Variants in MCU observed in about 807,000 individuals in gnomAD.
MCU encodes the protein calcium uniporter protein, mitochondrial.
A neutral mutation model predicts 45.2 loss-of-function variants in MCU; 12 were observed. That is an observed-to-expected ratio of 0.27 (90% confidence interval 0.17 to 0.43). The LOEUF (loss-of-function observed/expected upper bound fraction) is 0.43. MCU is among the 20% of genes least tolerant of loss of function. The pLI is 1.00. For missense variants in MCU, 324 were observed against 436.7 expected, an observed-to-expected ratio of 0.74 and a Z score of 2.30; for synonymous variants, 160 against 165.1, an observed-to-expected ratio of 0.97 and a Z score of 0.24.
intron 1 of MCU, among the ~76,000 whole-genome samples, chr10:72,711,672 T>C (rs1842896024): frequency 6.6e-6 from 1 of 151,070 alleles, no homozygotes; most frequent in Admixed American, 6.6e-5. Flanking sequence ...ATTGGGCCAT[T>C]GCACTCCAGC....
intron 1 of MCU, among the ~76,000 whole-genome samples, chr10:72,833,387 AC>A (rs2132832798): frequency 6.6e-6 from 1 of 152,378 alleles, no homozygotes; most frequent in Non-Finnish European, 1.5e-5. Flanking sequence ...TGTCAGTCTT[AC>A]ATTTCTGCAT....
chr10:72,788,121 A>C (rs7910349), intron 1 of MCU, among the ~76,000 whole-genome samples: 8,351 of 152,328 alleles, frequency 0.055, 782 homozygotes, highest in African/African-American at 0.19. Context: ...TGAAGAAACA[A>C]GAACAGGTTC....
chr10:72,762,825 T>C (rs1843673949), intron 1 of MCU, among the ~76,000 whole-genome samples: 1 of 152,142 alleles, frequency 6.6e-6, no homozygotes, highest in Non-Finnish European at 1.5e-5. Flanking sequence ...GGTGTTTTTT[T>C]TTTCCTGCAG....
chr10:72,802,275 G>A (rs1844354994), intron 1 of MCU, among the ~76,000 whole-genome samples: 2 of 151,954 alleles, frequency 1.3e-5, no homozygotes, highest in Admixed American at 6.6e-5. Flanking sequence ...TAGCATTTTC[G>A]GTGAGTCTTT....
In MCU at chr10:72,812,288, G is replaced by A. The variant is rs1844556256; in HGVS notation, c.151-22071G>A. On this transcript the variant is annotated intron_variant, in intron 1 of 7. Coordinates refer to ENST00000373053, the MANE Select transcript of MCU (RefSeq NM_138357.3). The stretch of plus-strand genomic sequence containing the variant: ...AGCCTCCCGAGTAGCTGGGATTGCA[G>A]ACATCTGCCACCATGCCCAACTAAT... Among the ~76,000 whole-genome samples, 3 of 152,100 alleles carry A rather than the reference G, an allele frequency of 2.0e-5. No individual in the cohort carries two copies. The South Asian group carries it at 6.2e-4, about 32-fold the overall frequency.
chr10:72,802,755 C>T (rs1589468453), intron 1 of MCU, among the ~76,000 whole-genome samples: 1 of 152,278 alleles, frequency 6.6e-6, no homozygotes. Context: ...TTTATTTGAA[C>T]ACTAAAACAA....
chr10:72,831,350 A>G (rs1564569220), intron 1 of MCU, among the ~76,000 whole-genome samples: 1 of 152,188 alleles, frequency 6.6e-6, no homozygotes, highest in Non-Finnish European at 1.5e-5. Flanking sequence ...GAAATAATCT[A>G]ATAAACGAAA....
At chr10:72,775,425 C>T (rs943505770) in intron 1 of MCU, among the ~76,000 whole-genome samples, 1 of 151,954 alleles carries the variant, frequency 6.6e-6, no homozygotes, top group Non-Finnish European at 1.5e-5. Context: ...ATGATAAACA[C>T]TTCTATCAAA....
intron 1 of MCU, among the ~76,000 whole-genome samples, chr10:72,777,022 A>G (rs1033423522): frequency 6.6e-6 from 1 of 152,208 alleles, no homozygotes; most frequent in Non-Finnish European, 1.5e-5. Context: ...ATCAAGGAAA[A>G]CTATAAAACT....
At chr10:72,869,959 T>A (rs1238698629) in intron 5 of MCU, among the ~76,000 whole-genome samples, 1 of 152,220 alleles carries the variant, frequency 6.6e-6, no homozygotes, top group Non-Finnish European at 1.5e-5. Context: ...TTTTTAAATG[T>A]GTTATATATA....
In MCU at chr10:72,794,455, T is replaced by C. The variant is rs551076012; in HGVS notation, c.151-39904T>C. On this transcript the variant is annotated intron_variant, in intron 1 of 7. Coordinates refer to ENST00000373053, the MANE Select transcript of MCU (RefSeq NM_138357.3). ...GCTCTTGGTTCTGCCTTCTGGGCTCTTCATTCGCTGAGTCATCCTTGATTC... is the reference window on the plus strand; with the variant it reads ...GCTCTTGGTTCTGCCTTCTGGGCTCCTCATTCGCTGAGTCATCCTTGATTC... Among the ~76,000 whole-genome samples the C allele has an allele frequency of 5.3e-5, 8 of 152,362 alleles. No individual in the cohort carries two copies. In the East Asian group the frequency reaches 1.5e-3, roughly 29 times the overall value.
intron 1 of MCU, chr10:72,693,181 TG>T: frequency 2.3e-6 from 2 of 879,340 alleles, no homozygotes; most frequent in South Asian, 2.9e-5. Flanking sequence ...TGAGTGTGTG[TG>T]TGTGTGTGTG....
intron 1 of MCU, among the ~76,000 whole-genome samples, chr10:72,760,923 G>A (rs919084096): frequency 2.6e-5 from 4 of 151,868 alleles, no homozygotes; most frequent in East Asian, 1.9e-4. Context: ...GTAAATGATA[G>A]GGCTGAAATT....
intron 1 of MCU, among the ~76,000 whole-genome samples, chr10:72,810,831 A>T (rs1844532942): frequency 1.3e-5 from 2 of 151,958 alleles, no homozygotes; most frequent in South Asian, 2.1e-4. Context: ...GCTTTATCCC[A>T]CAGCAGGAGT....
intron 1 of MCU, among the ~76,000 whole-genome samples, chr10:72,725,617 G>T (rs1011481027): frequency 6.6e-6 from 1 of 152,114 alleles, no homozygotes; most frequent in African/African-American, 2.4e-5. Context: ...GGCCGGGTGC[G>T]GTGGCTCACG....
In MCU at chr10:72,868,700, C is replaced by T; in HGVS notation, c.497-3C>T. On this transcript the variant is annotated splice_region_variant and splice_polypyrimidine_tract_variant and intron_variant, in intron 4 of 7. Transcript: ENST00000373053. ...TTTTTAAAAAATGTAACTTTTGTTT[C>T]AGACCTCTTAAGTCATGAAAATGCA... The T allele has an allele frequency of 3.7e-6, 6 of 1,609,820 alleles. No individual in the cohort carries two copies. Among genetic ancestry groups the T allele is most frequent in the Non-Finnish European group, 5.1e-6 (6 of 1,178,896 alleles).
At chr10:72,715,170 G>A in intron 1 of MCU, 1 of 985,642 alleles carries the variant, frequency 1.0e-6, no homozygotes, top group Non-Finnish European at 1.2e-6. Flanking sequence ...CACTCTCCAT[G>A]TACCATGCCA....
At chr10:72,882,434 T>A (rs1845717729) in intron 6 of MCU, among the ~76,000 whole-genome samples, 1 of 152,220 alleles carries the variant, frequency 6.6e-6, no homozygotes. Flanking sequence ...CTGAATTCTT[T>A]TTCTCAGCAA....
intron 1 of MCU, among the ~76,000 whole-genome samples, chr10:72,788,145 A>G (rs576526440): frequency 6.6e-6 from 1 of 152,228 alleles, no homozygotes; most frequent in African/African-American, 2.4e-5. Flanking sequence ...TCTGTGTTCA[A>G]TTTGTACAGG....
Sources: gnomAD v4.1 joint callset for allele counts (sites outside exome capture counted in the v4.1 genomes callset) on GRCh38, gnomAD v4.1.1 for gene constraint, MANE v1.5 for transcripts, NCBI Gene and HGNC (gene_info 2026-07-23, HGNC 2026-07-21) for gene names.